The following EYS variants were observed in gnomAD, a reference collection of about 807,000 sequenced individuals.
EYS encodes the protein EGF-like photoreceptor maintenance factor, also known as protein eyes shut homolog.
In EYS, 250 loss-of-function variants were observed where a neutral mutation model predicts 282.1. The observed-to-expected ratio is 0.89, with a 90% CI of 0.80 to 0.98. The LOEUF (loss-of-function observed/expected upper bound fraction) is 0.98, where lower values mean the gene tolerates loss of function less well. Among genes scored for constraint, EYS ranks in the 50% least tolerant of loss-of-function variants. The pLI, the probability that EYS is intolerant of heterozygous loss-of-function variation, is 0.00. For missense variants in EYS, 4,016 were observed against 3,709.0 expected, an observed-to-expected ratio of 1.08 and a Z score of -2.15; for synonymous variants, 1,355 against 1,282.9, an observed-to-expected ratio of 1.06 and a Z score of -1.20.
At chr6:64,890,265 C>A (rs1767246279) in intron 18 of EYS, among the ~76,000 whole-genome samples, 1 of 152,120 alleles carries the variant, frequency 6.6e-6, no homozygotes, top group Admixed American at 6.6e-5. Context: ...TCGTCCTGGT[C>A]CTGTGATCTC....
At chr6:64,660,117 C>G (rs1200867388) in intron 22 of EYS, among the ~76,000 whole-genome samples, 3 of 152,158 alleles carry the variant, frequency 2.0e-5, no homozygotes, top group Non-Finnish European at 4.4e-5. Context: ...AGCATATAAA[C>G]AGAACCAACG....
At chr6:65,394,193 T>C (rs1049787645) in intron 7 of EYS, among the ~76,000 whole-genome samples, 7 of 152,052 alleles carry the variant, frequency 4.6e-5, no homozygotes, top group Non-Finnish European at 7.4e-5. Flanking sequence ...ATTGGAGTCA[T>C]TGCATTCAGT....
chr6:65,331,174 TTC>T, intron 11 of EYS: 1 of 864,020 alleles, frequency 1.2e-6, no homozygotes, highest in Non-Finnish European at 1.4e-6. Context: ...GATAATTAGT[TTC>T]TAAAATAACT....
intron 31 of EYS, among the ~76,000 whole-genome samples, chr6:64,196,462 C>T (rs372673047): frequency 6.6e-6 from 1 of 152,070 alleles, no homozygotes; most frequent in East Asian, 1.9e-4. Context: ...TATTGTGGCA[C>T]TATTCACAAT....
At chr6:64,547,402 C>T (rs548608887) in intron 26 of EYS, among the ~76,000 whole-genome samples, 8 of 152,140 alleles carry the variant, frequency 5.3e-5, no homozygotes, top group African/African-American at 1.9e-4. Context: ...CTGAGCTAGA[C>T]ACAAAAGTTA....
intron 28 of EYS, among the ~76,000 whole-genome samples, chr6:64,406,616 G>GA (rs903217316): frequency 6.6e-6 from 1 of 150,572 alleles, no homozygotes; most frequent in South Asian, 2.2e-4. Flanking sequence ...ACATTTACAA[G>GA]AAAAAAACAA....
chr6:65,143,926 CT>C (rs1302272792), intron 12 of EYS, among the ~76,000 whole-genome samples: 2 of 151,940 alleles, frequency 1.3e-5, no homozygotes, highest in East Asian at 1.9e-4. Flanking sequence ...TCTTTTCTTC[CT>C]TTTTTTTCCT....
chr6:64,904,402 G>A (rs1427839113), intron 16 of EYS, among the ~76,000 whole-genome samples: 1 of 152,066 alleles, frequency 6.6e-6, no homozygotes, highest in African/African-American at 2.4e-5. Context: ...CCTCATTTTA[G>A]GTGAGCAAGT....
chr6:65,611,774 GC>G (rs1402982706), intron 2 of EYS, among the ~76,000 whole-genome samples: 1 of 151,904 alleles, frequency 6.6e-6, no homozygotes, highest in Non-Finnish European at 1.5e-5. Flanking sequence ...TAATAAAAGG[GC>G]CTCAAACCCA....
chr6:63,893,284 G>T (rs1414218032), intron 35 of EYS, among the ~76,000 whole-genome samples: 6 of 152,060 alleles, frequency 3.9e-5, no homozygotes. Context: ...CACATATGTT[G>T]CTTGCTTCAC....
At chr6:64,108,970 G>A (rs1773119810) in intron 31 of EYS, among the ~76,000 whole-genome samples, 1 of 152,028 alleles carries the variant, frequency 6.6e-6, no homozygotes, top group East Asian at 1.9e-4. Flanking sequence ...ACCTGGAAAG[G>A]TCAAGTAACA....
chr6:63,742,354 G>A (rs527983185), intron 41 of EYS, among the ~76,000 whole-genome samples: 1 of 152,088 alleles, frequency 6.6e-6, no homozygotes. Flanking sequence ...AGCTACTTTG[G>A]ATGTGGGTCA....
chr6:65,043,387 C>T (rs2150150413), intron 13 of EYS, among the ~76,000 whole-genome samples: 1 of 151,386 alleles, frequency 6.6e-6, no homozygotes, highest in South Asian at 2.1e-4. Flanking sequence ...ATTTTTATAT[C>T]AGTGTGTCAT....
At chr6:65,334,493 C>T (rs1217592845) in intron 11 of EYS, among the ~76,000 whole-genome samples, 2 of 151,820 alleles carry the variant, frequency 1.3e-5, no homozygotes, top group Non-Finnish European at 2.9e-5. Context: ...TGGTCTCAAA[C>T]TCTTGGCCTC....
At chr6:65,275,035 C>T (rs556197146) in intron 12 of EYS, among the ~76,000 whole-genome samples, 5 of 152,162 alleles carry the variant, frequency 3.3e-5, no homozygotes, top group African/African-American at 1.2e-4. Context: ...TTGAGTGGGA[C>T]CCATAATAAG....
chr6:64,187,399 T>C (rs1477117742), intron 31 of EYS, among the ~76,000 whole-genome samples: 1 of 152,132 alleles, frequency 6.6e-6, no homozygotes, highest in East Asian at 1.9e-4. Flanking sequence ...ATTGTATCTA[T>C]TCTAGAGAAA....
chr6:63,885,781 T>G (rs1376515855), intron 35 of EYS, among the ~76,000 whole-genome samples: 1 of 152,118 alleles, frequency 6.6e-6, no homozygotes, highest in African/African-American at 2.4e-5. Context: ...AATATTCCCT[T>G]TGCAAGAACT....
At chr6:65,331,735 T>C (rs1410480322) in intron 11 of EYS, 3 of 980,478 alleles carry the variant, frequency 3.1e-6, no homozygotes, top group Non-Finnish European at 3.6e-6. Flanking sequence ...ATTAAACAAG[T>C]ATTTGTTGAG....
Position 65,347,226 on chromosome 6 carries a change from T to A in EYS, c.1460-3049A>T, listed in dbSNP as rs182902386. ...AAAATTATATACTTACAGTGTTTTT[T>A]AAATTTGCTTTGATTGCATTATGAA... On this transcript the variant is annotated intron_variant, in intron 9 of 42. Coordinates refer to ENST00000503581, the MANE Select transcript of EYS (RefSeq NM_001142800.2). 2.9e-3 allele frequency among the ~76,000 whole-genome samples: 441 copies of A among 151,896 alleles called. 2 individuals carry two copies. The highest frequency in any genetic ancestry group is 0.01 in the African/African-American group (423 of 41,542).
Sources: gnomAD v4.1 joint callset for allele counts (sites outside exome capture counted in the v4.1 genomes callset) on GRCh38, gnomAD v4.1.1 for gene constraint, MANE v1.5 for transcripts, NCBI Gene and HGNC (gene_info 2026-07-23, HGNC 2026-07-21) for gene names.